COL21A1: variants seen among roughly 807,000 people sequenced by gnomAD.
COL21A1 encodes the protein collagen alpha-1(XXI) chain.
Under a neutral mutation model 137.9 loss-of-function variants are expected in COL21A1, and 149 were observed. That is an observed-to-expected ratio of 1.08 (90% CI 0.95 to 1.24). COL21A1 has a LOEUF of 1.24. Among genes scored for constraint, COL21A1 ranks in the 50% most tolerant of loss-of-function variants. The pLI is 0.00. For synonymous variants in COL21A1, 456 were observed against 391.5 expected, an observed-to-expected ratio of 1.16 and a Z score of -1.95; for missense variants, 1,167 against 1,158.4, an observed-to-expected ratio of 1.01 and a Z score of -0.11.
intron 28 of COL21A1, 81 bp downstream of exon 28, chr6:56,059,937 G>A (rs1562130988): frequency 2.1e-6 from 2 of 941,262 alleles, no homozygotes; most frequent in Non-Finnish European, 3.2e-6. Context: ...AAGTTAACTC[G>A]ACTATTAAAT....
intron 16 of COL21A1, among the ~76,000 whole-genome samples, chr6:56,112,342 C>A (rs1403988626): frequency 2.6e-5 from 4 of 152,260 alleles, no homozygotes; most frequent in Middle Eastern, 3.4e-3. Context: ...CCGATTGTCA[C>A]CCCCTCCCAG....
At chr6:56,358,870 A>G (rs897809440) in intron 1 of COL21A1, among the ~76,000 whole-genome samples, 1 of 152,200 alleles carries the variant, frequency 6.6e-6, no homozygotes, top group Non-Finnish European at 1.5e-5. Flanking sequence ...AGCTATAGGA[A>G]TATGTGTAGA....
At chr6:56,263,975 C>G (rs557040397) in intron 1 of COL21A1, among the ~76,000 whole-genome samples, 35,005 of 151,718 alleles carry the variant, frequency 0.23, 4,596 homozygotes, top group Non-Finnish European at 0.31. Flanking sequence ...CACAAACACA[C>G]ACACACACAC....
intron 1 of COL21A1, among the ~76,000 whole-genome samples, chr6:56,194,962 T>C (rs1023183538): frequency 6.6e-6 from 1 of 152,106 alleles, no homozygotes; most frequent in African/African-American, 2.4e-5. Context: ...ATTAGTGGAT[T>C]AATAAATTAA....
chr6:56,064,784 C>A (rs80177427), intron 23 of COL21A1, among the ~76,000 whole-genome samples, 162 bp from the exon 24 acceptor site: 12 of 151,714 alleles, frequency 7.9e-5, no homozygotes, highest in African/African-American at 1.2e-4. Flanking sequence ...AGTTACTCAG[C>A]GAAAAAGAAG....
At chr6:56,215,690 T>A (rs1780437427) in intron 1 of COL21A1, among the ~76,000 whole-genome samples, 1 of 152,034 alleles carries the variant, frequency 6.6e-6, no homozygotes, top group South Asian at 2.1e-4. Flanking sequence ...TAAAATGGCA[T>A]AAAAGCACTT....
At chr6:56,321,608 A>G (rs1764869950) in intron 1 of COL21A1, among the ~76,000 whole-genome samples, 1 of 152,180 alleles carries the variant, frequency 6.6e-6, no homozygotes, top group African/African-American at 2.4e-5. Context: ...TGGGTCGTAA[A>G]GCAATGGAAA....
intron 1 of COL21A1, among the ~76,000 whole-genome samples, chr6:56,361,438 T>C (rs1228382516): frequency 6.6e-6 from 1 of 152,204 alleles, no homozygotes. Flanking sequence ...AAGTTGGAAA[T>C]AACCTAAATG....
At chr6:56,143,383 G>C (rs1204016651) in intron 10 of COL21A1, among the ~76,000 whole-genome samples, 1 of 151,688 alleles carries the variant, frequency 6.6e-6, no homozygotes, top group Non-Finnish European at 1.5e-5. Context: ...TGTATTTTTA[G>C]TAGAGATGGG....
At chr6:56,319,194 C>G (rs1271125496) in intron 1 of COL21A1, among the ~76,000 whole-genome samples, 1 of 152,096 alleles carries the variant, frequency 6.6e-6, no homozygotes, top group Non-Finnish European at 1.5e-5. Context: ...CAAGAAGTAA[C>G]TCAGAGACAT....
chr6:56,230,069 T>C (rs2152317520), intron 1 of COL21A1, among the ~76,000 whole-genome samples: 1 of 152,098 alleles, frequency 6.6e-6, no homozygotes, highest in South Asian at 2.1e-4. Context: ...ATGATATATT[T>C]GGTATACATA....
In COL21A1 at chr6:56,057,696, A is replaced by G. The variant is rs373288668; in HGVS notation, c.2835T>C (p.Ile945=). 77 of 1,613,320 alleles carry G rather than the reference A, an allele frequency of 4.8e-5. No homozygotes were observed. In the African/African-American group the frequency reaches 9.9e-4, roughly 21 times the overall value. The change falls in exon 30 of 30, where the codon ATT becomes ATC. Residue 945 remains isoleucine, a synonymous_variant. Transcript: ENST00000244728. The part of the protein sequence containing the change: ...ICDPSLCFSV[I]ARRDPFRKGP... ...CTTTTCTGAACGGATCTCTTCTGGCAATTACACTAAAACATAGTGATGGGT... is the reference window on the plus strand; with the variant it reads ...CTTTTCTGAACGGATCTCTTCTGGCGATTACACTAAAACATAGTGATGGGT...
intron 17 of COL21A1, among the ~76,000 whole-genome samples, chr6:56,085,576 G>A (rs12196860): frequency 0.15 from 23,093 of 151,922 alleles, 1,788 homozygotes; most frequent in Middle Eastern, 0.22. Context: ...CACTAAAACT[G>A]ATTGTTCTCC....
chr6:56,140,905 T>A (rs12212032), intron 12 of COL21A1, among the ~76,000 whole-genome samples: 23,015 of 152,142 alleles, frequency 0.15, 1,781 homozygotes, highest in Middle Eastern at 0.22. Context: ...CATTGTAAAA[T>A]TCACAGACCT....
intron 6 of COL21A1, among the ~76,000 whole-genome samples, chr6:56,167,730 C>T (rs1776702393): frequency 6.6e-6 from 1 of 152,104 alleles, no homozygotes; most frequent in East Asian, 1.9e-4. Context: ...GTGAAGAACC[C>T]TGACATGAAT....
intron 1 of COL21A1, among the ~76,000 whole-genome samples, chr6:56,207,668 T>C (rs1779881707): frequency 6.6e-6 from 1 of 152,136 alleles, no homozygotes; most frequent in Non-Finnish European, 1.5e-5. Context: ...GAGGGAATCC[T>C]CCCTAACTCA....
chr6:56,059,920 A>G (rs1765650103), intron 28 of COL21A1, 98 bp downstream of exon 28: 1 of 782,928 alleles, frequency 1.3e-6, no homozygotes, highest in African/African-American at 1.9e-5. Context: ...TTTTTTTATC[A>G]TGAAAAAAGT....
At chr6:56,309,558 T>C (rs1315611570) in intron 1 of COL21A1, among the ~76,000 whole-genome samples, 1 of 152,210 alleles carries the variant, frequency 6.6e-6, no homozygotes, top group Non-Finnish European at 1.5e-5. Flanking sequence ...GATTTTTATA[T>C]TTCTGCCTCT....
chr6:56,175,641 T>A (rs1231971498), intron 3 of COL21A1, among the ~76,000 whole-genome samples: 6 of 151,930 alleles, frequency 3.9e-5, no homozygotes, highest in African/African-American at 1.4e-4. Context: ...GAAGAAGGAA[T>A]AAATGGAAAT....
Sources: allele counts gnomAD v4.1 joint callset (sites outside exome capture counted in the v4.1 genomes callset), GRCh38; gene constraint gnomAD v4.1.1; transcripts MANE v1.5; gene names NCBI Gene and HGNC (gene_info 2026-07-23, HGNC 2026-07-21).